The following UNC5D variants were observed in gnomAD, a reference collection of about 807,000 sequenced individuals.
The protein encoded by UNC5D is netrin receptor UNC5D.
UNC5D carries 39 observed loss-of-function variants against 105.4 expected under a neutral mutation model. The observed-to-expected ratio is 0.37, with a 90% CI of 0.29 to 0.48. The LOEUF (loss-of-function observed/expected upper bound fraction) is 0.48, where lower values mean the gene tolerates loss of function less well. UNC5D is among the 20% of genes least tolerant of loss of function. The pLI is 0.98. For synonymous variants in UNC5D, 452 were observed against 450.4 expected (o/e 1.00, Z -0.04); for missense variants, 991 against 1,202.4 (o/e 0.82, Z 2.60).
chr8:35,281,680 T>C (rs1806180555), intron 1 of UNC5D, among the ~76,000 whole-genome samples: 1 of 152,204 alleles, frequency 6.6e-6, no homozygotes, highest in African/African-American at 2.4e-5. Context: ...GATGGATTCC[T>C]GCAGAATGTT....
At chr8:35,604,494 A>G (rs1268026034) in intron 4 of UNC5D, among the ~76,000 whole-genome samples, 2 of 151,812 alleles carry the variant, frequency 1.3e-5, no homozygotes, top group Non-Finnish European at 2.9e-5. Context: ...CTTCATTTCA[A>G]CTTTGGTGAA....
At chr8:35,374,768 G>A (rs1268043981) in intron 1 of UNC5D, among the ~76,000 whole-genome samples, 2 of 152,212 alleles carry the variant, frequency 1.3e-5, no homozygotes, top group Non-Finnish European at 2.9e-5. Flanking sequence ...TGACAATTTG[G>A]AGTTATAGAA....
At position 35,404,090 on chromosome 8, in the gene UNC5D, C is replaced by G. The variant is rs73588052; in HGVS notation, c.104-145202C>G. ...GCTACTCCCTAACAGCCTGAGACAG[C>G]CTGTTATAGGACATGAAGTTGCTAG... On this transcript the variant is annotated intron_variant, in intron 1 of 16. Coordinates refer to ENST00000404895, the MANE Select transcript of UNC5D (RefSeq NM_080872.4). 3.4e-3 allele frequency among the ~76,000 whole-genome samples: 525 copies of G among 152,284 alleles called. 7 individuals carry two copies. The highest frequency in any genetic ancestry group is 0.012 in the African/African-American group (489 of 41,552).
intron 13 of UNC5D, among the ~76,000 whole-genome samples, chr8:35,755,475 T>C (rs1486126326): frequency 6.7e-6 from 1 of 148,366 alleles, no homozygotes; most frequent in Non-Finnish European, 1.5e-5. Flanking sequence ...ATAATTTGTG[T>C]GTATGTGTGT....
At chr8:35,335,756 A>ATTTTTTTTTTTTTTTTTTTT (rs35774459) in intron 1 of UNC5D, among the ~76,000 whole-genome samples, 1 of 90,484 alleles carries the variant, frequency 1.1e-5, no homozygotes, top group Non-Finnish European at 2.0e-5. Context: ...AGAGATTGCA[A>ATTTTTTTTTTTTTTTTTTTT]TTTTTTTTTT....
At chr8:35,514,892 T>G (rs1035959337) in intron 1 of UNC5D, among the ~76,000 whole-genome samples, 1 of 152,230 alleles carries the variant, frequency 6.6e-6, no homozygotes, top group Non-Finnish European at 1.5e-5. Flanking sequence ...AGAACAATTT[T>G]CCACCTGTCG....
intron 4 of UNC5D, among the ~76,000 whole-genome samples, chr8:35,657,078 GTGTATATATATATATATATA>G (rs1017248571): frequency 1.2e-5 from 1 of 80,556 alleles, no homozygotes; most frequent in Non-Finnish European, 2.3e-5. Context: ...GTGTGTGTGT[GTGTATATATATATATATATA>G]TATATATATA....
At chr8:35,528,203 C>A (rs866997731) in intron 1 of UNC5D, among the ~76,000 whole-genome samples, 6 of 151,544 alleles carry the variant, frequency 4.0e-5, no homozygotes, top group Middle Eastern at 6.8e-3. Context: ...CCGCTCCCCC[C>A]ACCCCACCAC....
chr8:35,265,039 G>T (rs1804761844), intron 1 of UNC5D, among the ~76,000 whole-genome samples: 1 of 152,186 alleles, frequency 6.6e-6, no homozygotes, highest in Admixed American at 6.5e-5. Context: ...GAAGAGATGT[G>T]CTTCTCCAGG....
At chr8:35,305,334 T>G (rs1027018323) in intron 1 of UNC5D, among the ~76,000 whole-genome samples, 2 of 152,088 alleles carry the variant, frequency 1.3e-5, no homozygotes. Context: ...GTCCCACCAG[T>G]AGGTCCCTTC....
chr8:35,620,484 C>T lies in UNC5D; in HGVS notation c.570+24827C>T, dbSNP rs1358171784. Among the ~76,000 whole-genome samples, 3 of 152,140 alleles carry T rather than the reference C, an allele frequency of 2.0e-5. No homozygotes were observed. The East Asian group carries it at 5.8e-4, about 29-fold the overall frequency. The stretch of plus-strand genomic sequence containing the variant: ...CTCTTGGATCACCTCTGCGACTCAT[C>T]ATGTGAAGTGAGTTTCTCCTCACAT... On this transcript the variant is annotated intron_variant, in intron 4 of 16. Coordinates refer to ENST00000404895, the MANE Select transcript of UNC5D (RefSeq NM_080872.4).
chr8:35,374,616 GCTT>G (rs1802593400), intron 1 of UNC5D, among the ~76,000 whole-genome samples: 2 of 152,076 alleles, frequency 1.3e-5, no homozygotes, highest in Admixed American at 6.6e-5. Flanking sequence ...GCTCCCAAAT[GCTT>G]ATTTGTTACT....
chr8:35,425,466 C>A lies in UNC5D; in HGVS notation c.104-123826C>A, dbSNP rs139569510. ...CTGATGTGTAAACTCTCCGAGACCC[C>A]CACCCCGGTTAAAACACTGCTGTGC... On this transcript the variant is annotated intron_variant, in intron 1 of 16. Transcript: ENST00000404895. Among the ~76,000 whole-genome samples the A allele has an allele frequency of 8.2e-3, 1,242 of 152,186 alleles. 12 individuals carry two copies. Among genetic ancestry groups the A allele is most frequent in the Non-Finnish European group, 0.011 (750 of 68,004 alleles).
At chr8:35,294,832 C>T (rs912103068) in intron 1 of UNC5D, among the ~76,000 whole-genome samples, 9 of 151,300 alleles carry the variant, frequency 5.9e-5, no homozygotes, top group Non-Finnish European at 8.8e-5. Flanking sequence ...CATGACTTTT[C>T]TCTGATTCTT....
intron 1 of UNC5D, among the ~76,000 whole-genome samples, chr8:35,477,606 T>C (rs1256589731): frequency 2.0e-5 from 3 of 152,054 alleles, no homozygotes; most frequent in African/African-American, 7.2e-5. Flanking sequence ...TCAAAGACAA[T>C]CATGTGTGGC....
intron 1 of UNC5D, among the ~76,000 whole-genome samples, chr8:35,420,741 G>T (rs1487909573): frequency 9.7e-6 from 1 of 103,210 alleles, no homozygotes; most frequent in East Asian, 2.8e-4. Flanking sequence ...AATACCATGG[G>T]CTTTTTTTTT....
chr8:35,303,925 G>C (rs2128872686), intron 1 of UNC5D, among the ~76,000 whole-genome samples: 1 of 152,192 alleles, frequency 6.6e-6, no homozygotes, highest in East Asian at 1.9e-4. Flanking sequence ...AGTCTAAGTT[G>C]TTTATCCTTG....
intron 4 of UNC5D, among the ~76,000 whole-genome samples, chr8:35,669,086 C>T (rs1563649365): frequency 6.6e-6 from 1 of 152,026 alleles, no homozygotes; most frequent in Non-Finnish European, 1.5e-5. Flanking sequence ...TCTATAGTTT[C>T]TGATAGAATG....
intron 1 of UNC5D, among the ~76,000 whole-genome samples, chr8:35,434,396 TTAAAG>T (rs1364560175): frequency 3.7e-4 from 56 of 152,074 alleles, no homozygotes; most frequent in African/African-American, 1.3e-3. Context: ...GTATTGGAAA[TTAAAG>T]TAAGTAATTT....
Sources: gnomAD v4.1 joint callset for allele counts (sites outside exome capture counted in the v4.1 genomes callset) on GRCh38, gnomAD v4.1.1 for gene constraint, MANE v1.5 for transcripts, NCBI Gene and HGNC (gene_info 2026-07-23, HGNC 2026-07-21) for gene names.